The following ADAMTS14 variants were observed in gnomAD, a reference collection of about 807,000 sequenced individuals.
The protein encoded by ADAMTS14 is ADAM metallopeptidase with thrombospondin type 1 motif 14.
In ADAMTS14, 100 loss-of-function variants were observed where a neutral mutation model predicts 128.6. The ratio of observed to expected loss-of-function variants is 0.78; its 90% CI spans 0.66 to 0.92. The LOEUF (loss-of-function observed/expected upper bound fraction) is 0.92, where lower values mean the gene tolerates loss of function less well. Among genes scored for constraint, ADAMTS14 ranks in the 40% least tolerant of loss-of-function variants. The pLI is 0.00. For synonymous variants in ADAMTS14, 665 were observed against 653.8 expected, an observed-to-expected ratio of 1.02 and a Z score of -0.26; for missense variants, 1,562 against 1,658.6, an observed-to-expected ratio of 0.94 and a Z score of 1.01.
intron 2 of ADAMTS14, among the ~76,000 whole-genome samples, chr10:70,695,037 T>C (rs1380080811): frequency 6.6e-6 from 1 of 152,216 alleles, no homozygotes; most frequent in Non-Finnish European, 1.5e-5. Flanking sequence ...CAACCAACAC[T>C]GGTTATCTGA....
intron 4 of ADAMTS14, among the ~76,000 whole-genome samples, chr10:70,712,323 A>G (rs1045400660): frequency 5.9e-5 from 9 of 152,350 alleles, no homozygotes; most frequent in African/African-American, 2.2e-4. Context: ...CCACGGCCCA[A>G]AACTGGGGCT....
intron 7 of ADAMTS14, among the ~76,000 whole-genome samples, chr10:70,732,747 A>G (rs1841687596): frequency 6.6e-6 from 1 of 152,112 alleles, no homozygotes; most frequent in Non-Finnish European, 1.5e-5. Flanking sequence ...AGGCCTTTCT[A>G]AGACTTGATC....
chr10:70,759,034 C>T (rs1267055180), intron 21 of ADAMTS14, among the ~76,000 whole-genome samples: 1 of 151,204 alleles, frequency 6.6e-6, no homozygotes, highest in African/African-American at 2.4e-5. Context: ...GACCAGTTGG[C>T]TGCAAATTCG....
intron 1 of ADAMTS14, 57 bp downstream of exon 1, chr10:70,672,941 G>A: frequency 7.2e-7 from 1 of 1,381,854 alleles, no homozygotes. Context: ...CGCGGTCAGG[G>A]TGGCCCAAGG....
chr10:70,697,528 A>G (rs1840364627), intron 2 of ADAMTS14, among the ~76,000 whole-genome samples: 1 of 152,210 alleles, frequency 6.6e-6, no homozygotes, highest in African/African-American at 2.4e-5. Flanking sequence ...ATGCACATAC[A>G]TGCAATTTGA....
At position 70,751,501 on chromosome 10, in the gene ADAMTS14, C is replaced by A. The variant is rs772477424; in HGVS notation, c.2451C>A (p.Gly817=). 16 of 1,609,358 alleles carry A rather than the reference C, an allele frequency of 9.9e-6. No individual in the cohort carries two copies. Among genetic ancestry groups the A allele is most frequent in the Non-Finnish European group, 1.3e-5 (15 of 1,176,152 alleles). The change falls in exon 17 of 22, where the codon GGC becomes GGA. Residue 817 remains glycine (G), a synonymous_variant. Transcript: ENST00000373207. ...AILALPPTEG[G]PRSSLAYKYV... Reference sequence around the variant, plus strand: ...AGGCTCTCCCCCCAACTGAGGGTGGCCCCCGCAGCAGCCTGGCCTACAAGT... The same window carrying A: ...AGGCTCTCCCCCCAACTGAGGGTGGACCCCGCAGCAGCCTGGCCTACAAGT...
At chr10:70,739,037 G>A in intron 11 of ADAMTS14, 47 bp downstream of exon 11, 1 of 1,558,472 alleles carries the variant, frequency 6.4e-7, no homozygotes, top group Non-Finnish European at 8.7e-7. Context: ...TCCCTCCCCA[G>A]GGCGGAGGGG....
At chr10:70,702,894 G>T (rs1484475824) in intron 3 of ADAMTS14, among the ~76,000 whole-genome samples, 1 of 152,158 alleles carries the variant, frequency 6.6e-6, no homozygotes, top group Non-Finnish European at 1.5e-5. Context: ...GGTCAGCTTT[G>T]TGTCCCGTAG....
chr10:70,708,604 C>A lies in ADAMTS14; in HGVS notation c.696C>A (p.Asp232Glu), dbSNP rs918741330. The change falls in exon 4 of 22, where the codon GAC (aspartate) becomes GAA (glutamate). Residue 232 changes from aspartate (D) to glutamate (E), a missense_variant. Transcript: ENST00000373207. Reference protein sequence around the residue: ...DLHNEAFGLGDLPNLLGLVGD... With the variant: ...DLHNEAFGLGELPNLLGLVGD... ...TGGTTCCAGCCTTTGGCCTGGGAGA[C>A]CTTCCCAACCTGCTGGGCCTGGTGG... 3 of 1,605,720 alleles carry A rather than the reference C, an allele frequency of 1.9e-6. No individual in the cohort carries two copies. Among genetic ancestry groups the A allele is most frequent in the Admixed American group, 3.4e-5 (2 of 59,686 alleles).
At chr10:70,730,305 A>C in intron 6 of ADAMTS14, 56 bp downstream of exon 6, 1 of 1,569,494 alleles carries the variant, frequency 6.4e-7, no homozygotes, top group Non-Finnish European at 8.7e-7. Flanking sequence ...CACGGCAGAC[A>C]GAGGCTGGGC....
Position 70,760,775 on chromosome 10 carries a change from C to A in ADAMTS14, c.3594C>A (p.Val1198=). ...PWGWTQTPTP[V]PEDKGQPGED... ...GCTGGACTCAGACACCTACGCCAGTCCCTGAGGACAAAGGGCAACCTGGAG... is the reference window on the plus strand; with the variant it reads ...GCTGGACTCAGACACCTACGCCAGTACCTGAGGACAAAGGGCAACCTGGAG... Residue 1198 remains valine (V), a synonymous_variant, in exon 22 of 22, where the codon GTC becomes GTA. Coordinates refer to ENST00000373207, the MANE Select transcript of ADAMTS14 (RefSeq NM_080722.4). 6.2e-7 allele frequency: 1 copy of A among 1,612,058 alleles called. No individual in the cohort carries two copies. The highest frequency in any genetic ancestry group is 8.5e-7 in the Non-Finnish European group (1 of 1,178,866).
Position 70,690,391 on chromosome 10 carries a change from G to A in ADAMTS14, c.523-11921G>A, listed in dbSNP as rs184809552. Among the ~76,000 whole-genome samples the A allele has an allele frequency of 1.4e-5, 2 of 144,774 alleles. 1 individual carries two copies. The highest frequency in any genetic ancestry group is 3.2e-5 in the Non-Finnish European group (2 of 63,290). 95.0% of individuals were successfully genotyped at this position (144,774 alleles called of 152,430 possible). A position where few individuals can be genotyped will look rare whatever the true frequency, so the allele number is the denominator to read the frequency against. ...TCTGCTCCTTCCACCCTTTGCAGAG[G>A]AGACTGGCCAGTGATACCTGGAGGG... On this transcript the variant is annotated intron_variant, in intron 2 of 21. Coordinates refer to ENST00000373207, the MANE Select transcript of ADAMTS14 (RefSeq NM_080722.4).
chr10:70,752,457 C>T (rs1246469934), intron 18 of ADAMTS14, among the ~76,000 whole-genome samples: 1 of 152,180 alleles, frequency 6.6e-6, no homozygotes, highest in Non-Finnish European at 1.5e-5. Context: ...CTGCCAGCCC[C>T]CAGCCATGGT....
chr10:70,743,806 C>G, intron 13 of ADAMTS14, 125 bp downstream of exon 13: 4 of 1,363,050 alleles, frequency 2.9e-6, no homozygotes, highest in Non-Finnish European at 2.9e-6. Flanking sequence ...TGTTGGTCCT[C>G]AGCATAGCCC....
At chr10:70,675,549 G>A (rs146431017) in intron 2 of ADAMTS14, among the ~76,000 whole-genome samples, 122 of 152,228 alleles carry the variant, frequency 8.0e-4, no homozygotes, top group Non-Finnish European at 1.5e-3. Flanking sequence ...ACATTGCGAC[G>A]TCGTGTCCTT....
intron 4 of ADAMTS14, among the ~76,000 whole-genome samples, chr10:70,716,686 T>A (rs566824100): frequency 1.3e-5 from 2 of 152,314 alleles, no homozygotes; most frequent in East Asian, 3.9e-4. Context: ...TGTGACCATT[T>A]CTGATCCTGA....
intron 2 of ADAMTS14, 95 bp downstream of exon 2, chr10:70,675,090 G>A (rs1355611845): frequency 6.9e-7 from 1 of 1,446,298 alleles, no homozygotes; most frequent in Non-Finnish European, 9.4e-7. Context: ...TGCAGTCTGG[G>A]CCAAGGCAGG....
rs1839520209 is a variant in ADAMTS14, at chr10:70,672,806, G to A, written c.4G>A (p.Ala2Thr). The change falls in exon 1 of 22, where the codon GCT (alanine) becomes ACT (threonine). Residue 2 changes from alanine (A) to threonine (T), a missense_variant. Transcript: ENST00000373207. MAPLRALLSYLL... is the reference protein window; with the variant it reads MTPLRALLSYLL... ...GCCCGCGTCCCAGCGCGGCCACATG[G>A]CTCCACTCCGCGCGCTGCTGTCCTA... The A allele has an allele frequency of 1.3e-6, 2 of 1,509,546 alleles. No homozygotes were observed. The highest frequency in any genetic ancestry group is 8.8e-7 in the Non-Finnish European group (1 of 1,133,366). The allele number at this position is 1,509,546 out of a possible 1,614,324, so 93.5% of individuals were successfully genotyped here.
chr10:70,759,137 T>TTTTTTTTTTTTTTTTTTTTTAGACGGGG, intron 21 of ADAMTS14, among the ~76,000 whole-genome samples: 1 of 151,784 alleles, frequency 6.6e-6, no homozygotes, highest in Admixed American at 6.6e-5. Flanking sequence ...TCTACTTCTC[T>TTTTTTTTTTTTTTTTTTTTTAGACGGGG]GCTCCTAGGC....
Sources: allele counts gnomAD v4.1 joint callset (sites outside exome capture counted in the v4.1 genomes callset), GRCh38; gene constraint gnomAD v4.1.1; transcripts MANE v1.5; gene names NCBI Gene and HGNC (gene_info 2026-07-23, HGNC 2026-07-21).